The following SPECC1L variants were observed in gnomAD, a reference collection of about 807,000 sequenced individuals.
SPECC1L encodes the protein cytospin-A.
In SPECC1L, 40 loss-of-function variants were observed where a neutral mutation model predicts 116.8. The observed-to-expected ratio is 0.34, with a 90% CI of 0.27 to 0.45. SPECC1L has a LOEUF of 0.45. SPECC1L is among the 20% of genes least tolerant of loss of function. The pLI is 1.00. For synonymous variants in SPECC1L, 504 were observed against 500.6 expected (o/e 1.01, Z -0.09); for missense variants, 1,110 against 1,373.6 (o/e 0.81, Z 3.03).
intron 6 of SPECC1L, among the ~76,000 whole-genome samples, chr22:24,325,670 A>G (rs1315149516): frequency 6.6e-6 from 1 of 152,076 alleles, no homozygotes; most frequent in African/African-American, 2.4e-5. Context: ...GCCATGAATG[A>G]AAAAAGGTCA....
Position 24,322,562 on chromosome 22 carries a change from A to G in SPECC1L, c.1582A>G (p.Lys528Glu), listed in dbSNP as rs201424466. The G allele has an allele frequency of 2.5e-6, 4 of 1,614,086 alleles. No homozygotes were observed. The African/African-American group carries it at 4.0e-5, about 16-fold the overall frequency. Reference protein sequence around the residue: ...NTLKMAEQDNKEAQEMIGALK... With the variant: ...NTLKMAEQDNEEAQEMIGALK... The stretch of plus-strand genomic sequence containing the variant: ...TTTGAAAATGGCAGAACAAGACAAT[A>G]AGGAAGCTCAAGAAATGATAGGGGC... Residue 528 changes from lysine to glutamate, a missense_variant, in exon 5 of 17, where the codon AAG becomes GAG. Coordinates refer to ENST00000314328, the MANE Select transcript of SPECC1L (RefSeq NM_015330.6).
At chr22:24,304,031 G>GA (rs1277290620) in intron 3 of SPECC1L, among the ~76,000 whole-genome samples, 4 of 151,696 alleles carry the variant, frequency 2.6e-5, no homozygotes, top group African/African-American at 7.3e-5. Flanking sequence ...AAAATAGTGG[G>GA]AAAAAAATGG....
chr22:24,324,505 A>G (rs2040780291), intron 6 of SPECC1L, 78 bp downstream of exon 6: 1 of 1,356,040 alleles, frequency 7.4e-7, no homozygotes, highest in Non-Finnish European at 1.0e-6. Context: ...TAGTAATAAA[A>G]TAGGGCTGGG....
chr22:24,358,680 A>G (rs542358960), intron 11 of SPECC1L, among the ~76,000 whole-genome samples: 21 of 152,148 alleles, frequency 1.4e-4, no homozygotes, highest in Non-Finnish European at 2.9e-4. Flanking sequence ...TCCAACTGCT[A>G]TGGTTGTCCC....
intron 14 of SPECC1L, among the ~76,000 whole-genome samples, chr22:24,384,258 A>G (rs1241929468): frequency 6.6e-6 from 1 of 152,196 alleles, no homozygotes; most frequent in Admixed American, 6.5e-5. Context: ...AAAAGATACT[A>G]GGTTAAGAAG....
chr22:24,295,326 A>G (rs569698847), intron 2 of SPECC1L, among the ~76,000 whole-genome samples: 34 of 150,762 alleles, frequency 2.3e-4, no homozygotes, highest in African/African-American at 7.6e-4. Flanking sequence ...AATAATTTCA[A>G]TAATTGTTTT....
intron 14 of SPECC1L, among the ~76,000 whole-genome samples, chr22:24,383,832 T>A (rs1247287738): frequency 6.2e-4 from 65 of 104,468 alleles, no homozygotes; most frequent in African/African-American, 2.1e-3. Context: ...TTTTTTTTTT[T>A]AGTAGAGATG....
At chr22:24,388,060 C>T (rs1230182014) in intron 14 of SPECC1L, among the ~76,000 whole-genome samples, 1 of 152,008 alleles carries the variant, frequency 6.6e-6, no homozygotes, top group Non-Finnish European at 1.5e-5. Context: ...GGATCCTCTT[C>T]CTGTTCTTAA....
At chr22:24,348,485 G>A (rs1366435646) in intron 11 of SPECC1L, among the ~76,000 whole-genome samples, 1 of 152,180 alleles carries the variant, frequency 6.6e-6, no homozygotes, top group African/African-American at 2.4e-5. Context: ...AGTACAAGGT[G>A]GTGCTGCTAC....
chr22:24,363,547 T>C (rs182004737), intron 12 of SPECC1L, among the ~76,000 whole-genome samples: 13 of 152,220 alleles, frequency 8.5e-5, no homozygotes, highest in East Asian at 5.8e-4. Context: ...TTAAATCAAT[T>C]GGAAGTCCTG....
intron 14 of SPECC1L, among the ~76,000 whole-genome samples, chr22:24,411,227 G>C (rs1288485448): frequency 1.3e-5 from 2 of 151,758 alleles, no homozygotes; most frequent in Non-Finnish European, 2.9e-5. Flanking sequence ...AAAAAAGGGG[G>C]GGTCATTGAT....
chr22:24,400,322 G>A (rs4820586), intron 14 of SPECC1L, among the ~76,000 whole-genome samples: 78,911 of 152,044 alleles, frequency 0.52, 20,579 homozygotes, highest in East Asian at 0.55. Flanking sequence ...GAATCATACA[G>A]TATGTAGCCT....
At chr22:24,306,416 G>C (rs1384808459) in intron 3 of SPECC1L, among the ~76,000 whole-genome samples, 2 of 145,116 alleles carry the variant, frequency 1.4e-5, no homozygotes, top group Non-Finnish European at 3.0e-5. Flanking sequence ...TTACTCTGTT[G>C]CCTGCCCAGG....
At chr22:24,305,977 A>C (rs951859073) in intron 3 of SPECC1L, among the ~76,000 whole-genome samples, 1 of 151,056 alleles carries the variant, frequency 6.6e-6, no homozygotes, top group Admixed American at 6.6e-5. Context: ...GCTGGAGTGC[A>C]ATGGCGCCAT....
At position 24,330,236 on chromosome 22, in the gene SPECC1L, A is replaced by G; in HGVS notation, c.2221-20A>G. The G allele has an allele frequency of 6.2e-7, 1 of 1,613,042 alleles. No homozygotes were observed. Among genetic ancestry groups the G allele is most frequent in the South Asian group, 1.1e-5 (1 of 90,788 alleles). Reference sequence around the variant, plus strand: ...TTGATTGCTCTCTTTTGGAAATAAAAAGTTAGTTTTTTAATATAGGAAGAA... The same window carrying G: ...TTGATTGCTCTCTTTTGGAAATAAAGAGTTAGTTTTTTAATATAGGAAGAA... On this transcript the variant is annotated intron_variant, in intron 7 of 16. Coordinates refer to ENST00000314328, the MANE Select transcript of SPECC1L (RefSeq NM_015330.6).
intron 11 of SPECC1L, among the ~76,000 whole-genome samples, chr22:24,360,675 G>A (rs1033693913): frequency 3.9e-5 from 6 of 152,208 alleles, no homozygotes; most frequent in Admixed American, 3.3e-4. Flanking sequence ...CAAGCACCTT[G>A]TTTTGATTTA....
Position 24,369,329 on chromosome 22 carries a change from AT to A in SPECC1L, c.3087+10del. 2 of 1,604,840 alleles carry A rather than the reference AT, an allele frequency of 1.2e-6. No individual in the cohort carries two copies. The highest frequency in any genetic ancestry group is 2.7e-5 in the African/African-American group (2 of 74,874). On this transcript the variant is annotated intron_variant, in intron 14 of 16. Transcript: ENST00000314328. ...AAACAGAAGGCTATCAGGTAATCAT[AT>A]GATTCTTTTGTCCCATGTGAGTAAT...
chr22:24,381,836 A>G (rs1442527171), intron 14 of SPECC1L, among the ~76,000 whole-genome samples: 1 of 152,226 alleles, frequency 6.6e-6, no homozygotes, highest in Non-Finnish European at 1.5e-5. Flanking sequence ...GTGAGCCAAG[A>G]TCGCACCACT....
chr22:24,338,888 G>A (rs1308299924), intron 10 of SPECC1L, among the ~76,000 whole-genome samples: 1 of 152,218 alleles, frequency 6.6e-6, no homozygotes, highest in African/African-American at 2.4e-5. Context: ...TAGGGGTTCA[G>A]AGTTAGGCTG....
Sources: allele counts gnomAD v4.1 joint callset (sites outside exome capture counted in the v4.1 genomes callset), GRCh38; gene constraint gnomAD v4.1.1; transcripts MANE v1.5; gene names NCBI Gene and HGNC (gene_info 2026-07-23, HGNC 2026-07-21).